ABTB3: variants seen among roughly 807,000 people sequenced by gnomAD.
ABTB3 encodes ankyrin repeat- and BTB/POZ domain-containing protein 3.
chr12:107,599,894 C>G, the ABTB3 span, among the ~76,000 whole-genome samples: 1 of 152,108 alleles, frequency 6.6e-6, no homozygotes, highest in Non-Finnish European at 1.5e-5. Context: ...AAATCACATC[C>G]TATTGGCCTC....
At chr12:107,331,862 A>T in the ABTB3 span, among the ~76,000 whole-genome samples, 3 of 152,290 alleles carry the variant, frequency 2.0e-5, no homozygotes, top group Admixed American at 2.0e-4. Flanking sequence ...TGCGGCAGCC[A>T]TGGTGGATGG....
the ABTB3 span, among the ~76,000 whole-genome samples, chr12:107,572,932 C>A: frequency 6.6e-6 from 1 of 152,194 alleles, no homozygotes; most frequent in Non-Finnish European, 1.5e-5. Flanking sequence ...AGCTGGAAAG[C>A]CAGAGATGCT....
chr12:107,341,862 C>T, the ABTB3 span, among the ~76,000 whole-genome samples: 4 of 152,248 alleles, frequency 2.6e-5, no homozygotes, highest in African/African-American at 7.2e-5. Context: ...TCCCTCCTCC[C>T]TCCCTGGTCT....
the ABTB3 span, among the ~76,000 whole-genome samples, chr12:107,647,769 C>A: frequency 6.6e-6 from 1 of 152,318 alleles, no homozygotes; most frequent in East Asian, 1.9e-4. Context: ...GTCTTCATCA[C>A]AATTCCATGA....
the ABTB3 span, among the ~76,000 whole-genome samples, chr12:107,559,755 AT>A: frequency 1.3e-5 from 2 of 152,254 alleles, no homozygotes; most frequent in African/African-American, 4.8e-5. Flanking sequence ...AGTTCCCTGG[AT>A]TTTTATTGAT....
the ABTB3 span, among the ~76,000 whole-genome samples, chr12:107,592,648 T>C: frequency 6.6e-6 from 1 of 152,248 alleles, no homozygotes; most frequent in Non-Finnish European, 1.5e-5. Context: ...TGCAATATGC[T>C]AACACTTCTA....
At chr12:107,325,006 C>T in the ABTB3 span, among the ~76,000 whole-genome samples, 8 of 152,240 alleles carry the variant, frequency 5.3e-5, no homozygotes, top group East Asian at 7.7e-4. Context: ...ACGCAATGGG[C>T]GATTACAAAG....
chr12:107,618,363 G>A, the ABTB3 span: 1 of 1,612,756 alleles, frequency 6.2e-7, no homozygotes, highest in Middle Eastern at 1.7e-4. Context: ...TGTCACAATT[G>A]ATATCAGGAG....
the ABTB3 span, among the ~76,000 whole-genome samples, chr12:107,564,722 C>G: frequency 6.6e-6 from 1 of 152,354 alleles, no homozygotes; most frequent in South Asian, 2.1e-4. Flanking sequence ...CAGTAAGGAG[C>G]AAGCATGGTT....
chr12:107,592,063 A>C, the ABTB3 span, among the ~76,000 whole-genome samples: 1 of 152,196 alleles, frequency 6.6e-6, no homozygotes, highest in South Asian at 2.1e-4. Context: ...CTCCAGCCTC[A>C]GTTCCCCTTA....
chr12:107,361,701 G>A, the ABTB3 span, among the ~76,000 whole-genome samples: 12 of 152,186 alleles, frequency 7.9e-5, no homozygotes, highest in South Asian at 6.2e-4. Flanking sequence ...ATGTAGACTG[G>A]GGGCAGGTCA....
chr12:107,428,826 G>A, the ABTB3 span, among the ~76,000 whole-genome samples: 7 of 152,250 alleles, frequency 4.6e-5, no homozygotes, highest in East Asian at 3.9e-4. Context: ...GCCAGGCACC[G>A]TGATAGGCCA....
chr12:107,653,516 CAA>C, the ABTB3 span, among the ~76,000 whole-genome samples: 3 of 112,736 alleles, frequency 2.7e-5, no homozygotes, highest in African/African-American at 7.4e-5. Flanking sequence ...GACTCTGTCT[CAA>C]AAAAAAAAAA....
chr12:107,348,896 A>G, the ABTB3 span, among the ~76,000 whole-genome samples: 1 of 152,154 alleles, frequency 6.6e-6, no homozygotes, highest in African/African-American at 2.4e-5. Flanking sequence ...GTGACACTTG[A>G]GCAGCAGTGA....
At chr12:107,343,443 G>A in the ABTB3 span, among the ~76,000 whole-genome samples, 1 of 152,176 alleles carries the variant, frequency 6.6e-6, no homozygotes, top group Non-Finnish European at 1.5e-5. Context: ...AAGGTGGCTG[G>A]AGGTGAATGT....
At chr12:107,332,393 G>C in the ABTB3 span, among the ~76,000 whole-genome samples, 1 of 152,176 alleles carries the variant, frequency 6.6e-6, no homozygotes, top group African/African-American at 2.4e-5. Context: ...GGCAGATATG[G>C]TTATCATCTC....
At chr12:107,460,878 C>T in the ABTB3 span, among the ~76,000 whole-genome samples, 1 of 152,076 alleles carries the variant, frequency 6.6e-6, no homozygotes, top group Non-Finnish European at 1.5e-5. Flanking sequence ...CCCCTGGAAC[C>T]TCAGAATATG....
At chr12:107,635,717 C>T in the ABTB3 span, among the ~76,000 whole-genome samples, 1 of 152,114 alleles carries the variant, frequency 6.6e-6, no homozygotes, top group Admixed American at 6.5e-5. Flanking sequence ...CACGTGGCAA[C>T]TCTGTCCCCC....
the ABTB3 span, among the ~76,000 whole-genome samples, chr12:107,496,454 A>T: frequency 2.0e-5 from 3 of 152,188 alleles, no homozygotes; most frequent in Admixed American, 6.5e-5. Context: ...ATGCAAAATG[A>T]AAAGTCAGTT....
Sources: allele counts gnomAD v4.1 joint callset (sites outside exome capture counted in the v4.1 genomes callset), GRCh38; gene constraint gnomAD v4.1.1; transcripts MANE v1.5; gene names NCBI Gene and HGNC (gene_info 2026-07-23, HGNC 2026-07-21).